The following MRS2 variants were observed in gnomAD, a reference collection of about 807,000 sequenced individuals.
MRS2 encodes the protein magnesium transporter MRS2, also known as magnesium transporter MRS2 homolog, mitochondrial.
Under a neutral mutation model 52.6 loss-of-function variants are expected in MRS2, and 40 were observed. The ratio of observed to expected loss-of-function variants is 0.76; its 90% CI spans 0.59 to 0.99. The LOEUF (loss-of-function observed/expected upper bound fraction) is 0.99. Among genes scored for constraint, MRS2 ranks in the 50% least tolerant of loss-of-function variants. The pLI is 0.00. For synonymous variants in MRS2, 193 were observed against 195.9 expected, an observed-to-expected ratio of 0.98 and a Z score of 0.13; for missense variants, 472 against 532.7, an observed-to-expected ratio of 0.89 and a Z score of 1.12.
At chr6:24,403,329 TC>T in intron 1 of MRS2, 93 bp downstream of exon 1, 11 of 1,257,134 alleles carry the variant, frequency 8.8e-6, no homozygotes, top group Non-Finnish European at 1.2e-5. Flanking sequence ...CGCCTGTTGC[TC>T]CGCGCCCTCC....
chr6:24,416,825 G>A (rs1473076109), intron 7 of MRS2, among the ~76,000 whole-genome samples: 1 of 152,202 alleles, frequency 6.6e-6, no homozygotes, highest in African/African-American at 2.4e-5. Flanking sequence ...AGGAAGCAGA[G>A]TGGGAGAGAA....
chr6:24,405,939 A>T (rs1761459063), intron 2 of MRS2, among the ~76,000 whole-genome samples: 1 of 151,754 alleles, frequency 6.6e-6, no homozygotes, highest in Admixed American at 6.6e-5. Flanking sequence ...CCCCATCTCT[A>T]CTAAAAATAC....
At chr6:24,413,197 A>G (rs1002835583) in intron 5 of MRS2, among the ~76,000 whole-genome samples, 8 of 152,070 alleles carry the variant, frequency 5.3e-5, no homozygotes, top group Admixed American at 3.3e-4. Flanking sequence ...AGGCTGGGTA[A>G]GCTCTCAGGA....
Position 24,408,457 on chromosome 6 carries a change from CA to C in MRS2, c.301+14del, listed in dbSNP as rs771685525. On this transcript the variant is annotated intron_variant, in intron 3 of 10. Coordinates refer to ENST00000378386, the MANE Select transcript of MRS2 (RefSeq NM_020662.4). ...GTTACTTCTTTTGGTGAGTGATTAG[CA>C]TTCTAAATCATTTTTTAAACATTTA... 6.4e-7 allele frequency: 1 copy of C among 1,555,352 alleles called. No individual in the cohort carries two copies. The highest frequency in any genetic ancestry group is 1.4e-5 in the African/African-American group (1 of 73,658).
intron 8 of MRS2, 91 bp downstream of exon 8, chr6:24,418,327 A>G: frequency 6.7e-7 from 1 of 1,491,128 alleles, no homozygotes; most frequent in Admixed American, 2.3e-5. Context: ...TTACGCCATC[A>G]TTATCATCTA....
chr6:24,416,109 G>T (rs112595822), intron 6 of MRS2, among the ~76,000 whole-genome samples: 6 of 152,108 alleles, frequency 3.9e-5, no homozygotes, highest in African/African-American at 1.4e-4. Flanking sequence ...TTTTTTTGTA[G>T]AGACAAGATC....
intron 9 of MRS2, 27 bp downstream of exon 9, chr6:24,418,605 C>T (rs1473424635): frequency 4.4e-5 from 69 of 1,577,874 alleles, no homozygotes; most frequent in Non-Finnish European, 5.6e-5. Flanking sequence ...ATTTCTAAAA[C>T]TTGGGGGTTT....
intron 9 of MRS2, chr6:24,419,102 T>C (rs1015808946): frequency 6.4e-6 from 1 of 155,640 alleles, no homozygotes; most frequent in African/African-American, 2.4e-5. Flanking sequence ...CCGGGCGTGG[T>C]GGCAGACGCC....
intron 2 of MRS2, among the ~76,000 whole-genome samples, chr6:24,406,531 T>C (rs1420966813): frequency 1.3e-5 from 2 of 152,120 alleles, no homozygotes; most frequent in African/African-American, 4.8e-5. Flanking sequence ...CCCAACACTT[T>C]GGGAGGCTGA....
intron 4 of MRS2, among the ~76,000 whole-genome samples, chr6:24,411,562 C>T (rs1444772771): frequency 1.3e-5 from 2 of 152,084 alleles, no homozygotes; most frequent in Non-Finnish European, 2.9e-5. Flanking sequence ...AAAAGAAAGA[C>T]GGAGTCTCGC....
intron 4 of MRS2, 26 bp downstream of exon 4, chr6:24,409,599 T>C: frequency 7.3e-7 from 1 of 1,370,556 alleles, no homozygotes; most frequent in Non-Finnish European, 1.0e-6. Context: ...TTCATCTATG[T>C]TTCTCCAATA....
chr6:24,413,657 T>C (rs1761741000), intron 5 of MRS2, among the ~76,000 whole-genome samples: 2 of 151,924 alleles, frequency 1.3e-5, no homozygotes, highest in Non-Finnish European at 2.9e-5. Flanking sequence ...CAAGGACTTC[T>C]TAACCCGGAA....
chr6:24,418,660 A>C, intron 9 of MRS2, 82 bp downstream of exon 9: 1 of 1,035,366 alleles, frequency 9.7e-7, no homozygotes, highest in East Asian at 2.4e-5. Flanking sequence ...GCACTTTAGG[A>C]GGCTGAGGCA....
In MRS2 at chr6:24,405,774, CT is replaced by C. The variant is rs11406924; in HGVS notation, c.264+546del. 2.1e-4 allele frequency among the ~76,000 whole-genome samples: 26 copies of C among 126,008 alleles called. 1 individual carries two copies. The highest frequency in any genetic ancestry group is 6.9e-4 in the Admixed American group (8 of 11,634). The allele number at this position is 126,008 out of a possible 152,430, so 82.7% of individuals were successfully genotyped here. A position where few individuals can be genotyped will look rare whatever the true frequency, so the allele number is the denominator to read the frequency against. ...AATATTCTTGCAACTTCTTTGTAGGCTTTTTTTTTTTTTCCAAAAAAAAAAA... is the reference window on the plus strand; with the variant it reads ...AATATTCTTGCAACTTCTTTGTAGGCTTTTTTTTTTTTCCAAAAAAAAAAA... On this transcript the variant is annotated intron_variant, in intron 2 of 10. Transcript: ENST00000378386.
intron 1 of MRS2, 95 bp downstream of exon 1, chr6:24,403,331 C>G: frequency 7.1e-6 from 9 of 1,266,894 alleles, no homozygotes; most frequent in Non-Finnish European, 9.4e-6. Flanking sequence ...CCTGTTGCTC[C>G]GCGCCCTCCG....
intron 2 of MRS2, among the ~76,000 whole-genome samples, chr6:24,406,031 G>C (rs182000778): frequency 5.2e-4 from 79 of 151,038 alleles, no homozygotes; most frequent in African/African-American, 1.3e-3. Flanking sequence ...CATGAACCCA[G>C]GAGGCGGAGC....
chr6:24,414,893 T>C, intron 5 of MRS2, 140 bp from the exon 6 acceptor site: 1 of 666,838 alleles, frequency 1.5e-6, no homozygotes, highest in Non-Finnish European at 2.3e-6. Context: ...GGAATAGGCA[T>C]TCTAGAATTA....
At chr6:24,414,758 G>A (rs1761789966) in intron 5 of MRS2, among the ~76,000 whole-genome samples, 1 of 152,198 alleles carries the variant, frequency 6.6e-6, no homozygotes, top group Non-Finnish European at 1.5e-5. Context: ...CCCGGACGGG[G>A]CGGCTGGCCG....
At chr6:24,418,036 T>A in intron 7 of MRS2, 48 bp from the exon 8 acceptor site, 1 of 1,539,912 alleles carries the variant, frequency 6.5e-7, no homozygotes, top group Non-Finnish European at 8.8e-7. Context: ...ACTAAGTATA[T>A]GATACACATG....
Sources: allele counts gnomAD v4.1 joint callset (sites outside exome capture counted in the v4.1 genomes callset), GRCh38; gene constraint gnomAD v4.1.1; transcripts MANE v1.5; gene names NCBI Gene and HGNC (gene_info 2026-07-23, HGNC 2026-07-21).